Variants in SLC44A3 observed in about 807,000 individuals in gnomAD.
SLC44A3 encodes solute carrier family 44 member 3.
A neutral mutation model predicts 75.4 loss-of-function variants in SLC44A3; 74 were observed. That is an observed-to-expected ratio of 0.98 (90% CI 0.81 to 1.19). The LOEUF is 1.19. Ranked by LOEUF, SLC44A3 falls within the 50% of genes most tolerant of loss-of-function variation. The pLI is 0.00. For missense variants in SLC44A3, 700 were observed against 778.6 expected, an observed-to-expected ratio of 0.90 and a Z score of 1.20; for synonymous variants, 310 against 296.9, an observed-to-expected ratio of 1.04 and a Z score of -0.45.
At chr1:94,826,798 C>A (rs1468802807) in intron 3 of SLC44A3, among the ~76,000 whole-genome samples, 1 of 152,094 alleles carries the variant, frequency 6.6e-6, no homozygotes, top group Non-Finnish European at 1.5e-5. Context: ...GGAAAAAAAC[C>A]TTCTGGGACC....
chr1:94,820,550 CT>C, intron 1 of SLC44A3, 72 bp downstream of exon 1: 1 of 1,450,652 alleles, frequency 6.9e-7, no homozygotes, highest in Non-Finnish European at 9.1e-7. Context: ...CTTCACGCAC[CT>C]TCCCTGCCGG....
At chr1:94,857,626 G>A in intron 10 of SLC44A3, 126 bp downstream of exon 10, 2 of 1,006,352 alleles carry the variant, frequency 2.0e-6, no homozygotes, top group Non-Finnish European at 1.4e-6. Flanking sequence ...AAGAATAAAA[G>A]AGTAAGCTAA....
At chr1:94,841,561 G>A (rs567141186) in intron 7 of SLC44A3, among the ~76,000 whole-genome samples, 15 of 152,312 alleles carry the variant, frequency 9.8e-5, no homozygotes, top group African/African-American at 2.4e-4. Flanking sequence ...CCCACAGGCC[G>A]TGTAAATTTT....
intron 3 of SLC44A3, chr1:94,825,991 CAA>C: frequency 2.2e-6 from 1 of 452,000 alleles, no homozygotes; most frequent in South Asian, 1.6e-5. Flanking sequence ...AGAAGCAACT[CAA>C]GTGTCCATCA....
intron 7 of SLC44A3, among the ~76,000 whole-genome samples, chr1:94,840,647 G>A (rs1663500346): frequency 1.3e-5 from 2 of 152,232 alleles, no homozygotes; most frequent in African/African-American, 2.4e-5. Context: ...TTCCAATACC[G>A]TGATCCTGTA....
At chr1:94,853,283 G>A (rs1366179117) in intron 9 of SLC44A3, among the ~76,000 whole-genome samples, 1 of 152,158 alleles carries the variant, frequency 6.6e-6, no homozygotes. Flanking sequence ...GAAGAACTGA[G>A]GATTGACCAC....
At chr1:94,869,508 G>A (rs1484260792) in intron 12 of SLC44A3, among the ~76,000 whole-genome samples, 1 of 152,178 alleles carries the variant, frequency 6.6e-6, no homozygotes, top group African/African-American at 2.4e-5. Flanking sequence ...GTAGAACTGG[G>A]TGTTGCCAGC....
At chr1:94,889,531 C>CAT (rs1669968887) in intron 12 of SLC44A3, among the ~76,000 whole-genome samples, 1 of 110,444 alleles carries the variant, frequency 9.1e-6, no homozygotes, top group Non-Finnish European at 2.3e-5. Flanking sequence ...TAATCACACA[C>CAT]ACACACACAC....
intron 14 of SLC44A3, among the ~76,000 whole-genome samples, chr1:94,894,070 G>A (rs1670506594): frequency 6.6e-6 from 1 of 151,820 alleles, no homozygotes; most frequent in African/African-American, 2.4e-5. Context: ...ACTCCAGCCT[G>A]GGCGACAGAG....
At chr1:94,847,725 C>A (rs1249930488) in intron 9 of SLC44A3, among the ~76,000 whole-genome samples, 1 of 152,118 alleles carries the variant, frequency 6.6e-6, no homozygotes, top group Admixed American at 6.5e-5. Flanking sequence ...ATGTTCTGTC[C>A]CCCAGGCATC....
intron 14 of SLC44A3, 74 bp downstream of exon 14, chr1:94,892,591 GA>G: frequency 7.1e-7 from 1 of 1,407,916 alleles, no homozygotes; most frequent in African/African-American, 1.4e-5. Flanking sequence ...CTGCACACAC[GA>G]AAGAGGCTCA....
chr1:94,852,779 A>G (rs1665381586), intron 9 of SLC44A3, among the ~76,000 whole-genome samples: 1 of 152,220 alleles, frequency 6.6e-6, no homozygotes, highest in African/African-American at 2.4e-5. Context: ...TACATGAAAG[A>G]AAGAGGAGTT....
chr1:94,840,746 G>A (rs1235254679), intron 7 of SLC44A3, among the ~76,000 whole-genome samples: 1 of 152,230 alleles, frequency 6.6e-6, no homozygotes, highest in African/African-American at 2.4e-5. Flanking sequence ...TGGCACGTGG[G>A]TGCCCACAGT....
At chr1:94,825,429 C>T (rs1316948351) in intron 3 of SLC44A3, among the ~76,000 whole-genome samples, 1 of 152,168 alleles carries the variant, frequency 6.6e-6, no homozygotes, top group Non-Finnish European at 1.5e-5. Context: ...CTCCCGGGTT[C>T]AAGAGATTCT....
intron 12 of SLC44A3, among the ~76,000 whole-genome samples, chr1:94,878,363 G>A (rs972567671): frequency 1.3e-5 from 2 of 152,176 alleles, no homozygotes; most frequent in Non-Finnish European, 2.9e-5. Context: ...TGGCCAAAGC[G>A]GACCTTCCAT....
At chr1:94,863,999 A>G (rs180773612) in intron 10 of SLC44A3, among the ~76,000 whole-genome samples, 1 of 152,342 alleles carries the variant, frequency 6.6e-6, no homozygotes, top group East Asian at 1.9e-4. Flanking sequence ...TTCAGCGGGA[A>G]TTCAAAGGGT....
intron 11 of SLC44A3, among the ~76,000 whole-genome samples, chr1:94,865,256 C>T (rs890809253): frequency 6.6e-6 from 1 of 152,012 alleles, no homozygotes; most frequent in African/African-American, 2.4e-5. Flanking sequence ...TTTATCATGC[C>T]TTTTTAAGTA....
intron 5 of SLC44A3, among the ~76,000 whole-genome samples, chr1:94,831,233 G>T (rs1044347390): frequency 9.2e-5 from 14 of 152,132 alleles, no homozygotes; most frequent in Admixed American, 3.9e-4. Flanking sequence ...TTCAAGTAAA[G>T]ACAAAACCCT....
At chr1:94,865,043 A>G in intron 11 of SLC44A3, 144 bp downstream of exon 11, 1 of 653,798 alleles carries the variant, frequency 1.5e-6, no homozygotes, top group South Asian at 2.9e-5. Flanking sequence ...CTCAGCTCCC[A>G]TCCCCCGCCT....
Sources: allele counts gnomAD v4.1 joint callset (sites outside exome capture counted in the v4.1 genomes callset), GRCh38; gene constraint gnomAD v4.1.1; transcripts MANE v1.5; gene names NCBI Gene and HGNC (gene_info 2026-07-23, HGNC 2026-07-21).